DNMBP: variants seen among roughly 807,000 people sequenced by gnomAD.
DNMBP encodes dynamin binding protein, also known as dynamin-binding protein.
Under a neutral mutation model 150.0 loss-of-function variants are expected in DNMBP, and 87 were observed. That is an observed-to-expected ratio of 0.58 (90% CI 0.49 to 0.69). The LOEUF (loss-of-function observed/expected upper bound fraction) is 0.69. Among genes scored for constraint, DNMBP ranks in the 30% least tolerant of loss-of-function variants. The pLI, the probability that DNMBP is intolerant of heterozygous loss-of-function variation, is 0.00. For synonymous variants in DNMBP, 711 were observed against 750.4 expected (o/e 0.95, Z 0.86); for missense variants, 1,774 against 1,949.0 (o/e 0.91, Z 1.69).
chr10:99,937,687 C>T (rs1387279685), intron 4 of DNMBP, among the ~76,000 whole-genome samples: 2 of 152,162 alleles, frequency 1.3e-5, no homozygotes, highest in African/African-American at 4.8e-5. Context: ...CAGTCCTGGC[C>T]GACCAACCCT....
At chr10:99,925,539 C>T (rs553023577) in intron 4 of DNMBP, among the ~76,000 whole-genome samples, 5 of 152,284 alleles carry the variant, frequency 3.3e-5, no homozygotes, top group South Asian at 4.1e-4. Flanking sequence ...CCTCAGCCTC[C>T]GGAGTAGCTG....
chr10:99,998,700 T>C (rs547760006), intron 1 of DNMBP, among the ~76,000 whole-genome samples: 3 of 152,228 alleles, frequency 2.0e-5, no homozygotes, highest in South Asian at 2.1e-4. Flanking sequence ...ATTGTGAACA[T>C]TGACTAGACT....
At chr10:100,008,234 C>T (rs1263708123) in intron 1 of DNMBP, among the ~76,000 whole-genome samples, 4 of 152,124 alleles carry the variant, frequency 2.6e-5, no homozygotes, top group Admixed American at 1.3e-4. Context: ...GGCTGCAAGA[C>T]AAATAAATAA....
At chr10:99,913,913 C>G in intron 4 of DNMBP, 1 of 1,295,568 alleles carries the variant, frequency 7.7e-7, no homozygotes, top group Non-Finnish European at 9.9e-7. Context: ...GCTGCCTGTT[C>G]CACTTCCTTC....
chr10:99,966,264 T>C (rs1203989566), intron 3 of DNMBP, among the ~76,000 whole-genome samples: 7 of 152,174 alleles, frequency 4.6e-5, no homozygotes, highest in African/African-American at 1.7e-4. Flanking sequence ...GAGAACAAGA[T>C]AAAACCATGG....
At chr10:99,935,896 A>G (rs551270171) in intron 4 of DNMBP, among the ~76,000 whole-genome samples, 3 of 152,290 alleles carry the variant, frequency 2.0e-5, no homozygotes, top group African/African-American at 7.2e-5. Context: ...GCATATAAAA[A>G]TCAAGAGCAT....
chr10:99,898,258 GC>G lies in DNMBP; in HGVS notation c.2747del (p.Gly916AlafsTer11), dbSNP rs778242777. On this transcript the variant is annotated frameshift_variant, in exon 9 of 17. Transcript: ENST00000324109. LOFTEE classifies it high-confidence loss of function. ...TCTGTACTGGTTTGATGAGGAAGGA[GC>G]CCAGGTTAATATAATTTGTGCATCC... ...EWGCTNYINL[G>X]SFLIKPVQRV... 6.2e-7 allele frequency: 1 copy of G among 1,613,844 alleles called. No individual in the cohort carries two copies. Among genetic ancestry groups the G allele is most frequent in the East Asian group, 2.2e-5 (1 of 44,862 alleles).
intron 1 of DNMBP, among the ~76,000 whole-genome samples, chr10:100,003,463 C>T (rs909859042): frequency 1.3e-5 from 2 of 152,198 alleles, no homozygotes. Flanking sequence ...AGAAAACATA[C>T]TCTTAGCACT....
chr10:99,889,902 A>G (rs1393921160), intron 11 of DNMBP, among the ~76,000 whole-genome samples: 5 of 152,148 alleles, frequency 3.3e-5, no homozygotes, highest in Admixed American at 3.3e-4. Flanking sequence ...TAGGATAATG[A>G]CCAGTTACCT....
At chr10:99,883,949 G>T in intron 15 of DNMBP, 62 bp downstream of exon 15, 2 of 1,507,844 alleles carry the variant, frequency 1.3e-6, no homozygotes, top group Non-Finnish European at 1.8e-6. Context: ...CCAGATTCGG[G>T]TGCAGCCAAA....
At chr10:99,961,262 T>C (rs1164217601) in intron 3 of DNMBP, among the ~76,000 whole-genome samples, 1 of 126,860 alleles carries the variant, frequency 7.9e-6, no homozygotes, top group Non-Finnish European at 1.6e-5. Context: ...ATTTCTTCCC[T>C]TTTTCTTTTT....
At chr10:99,881,294 C>T (rs892661745) in intron 15 of DNMBP, among the ~76,000 whole-genome samples, 4 of 152,208 alleles carry the variant, frequency 2.6e-5, no homozygotes, top group Admixed American at 6.5e-5. Flanking sequence ...CACCAGGACA[C>T]GTGAATCCTT....
intron 4 of DNMBP, among the ~76,000 whole-genome samples, chr10:99,934,601 T>A (rs2040203188): frequency 7.4e-6 from 1 of 135,640 alleles, no homozygotes; most frequent in Non-Finnish European, 1.6e-5. Flanking sequence ...AGAATAGGAT[T>A]ACTGAGGAAG....
At chr10:99,982,242 C>T (rs951761747) in intron 1 of DNMBP, among the ~76,000 whole-genome samples, 4 of 151,852 alleles carry the variant, frequency 2.6e-5, no homozygotes, top group Admixed American at 2.0e-4. Context: ...CCCAGGAGCT[C>T]GAGACCAGCC....
In DNMBP at chr10:99,886,318, T is replaced by C. The variant is rs769468556; in HGVS notation, c.3600A>G (p.Gln1200=). 1 of 1,612,384 alleles carries C rather than the reference T, an allele frequency of 6.2e-7. No individual in the cohort carries two copies. Among genetic ancestry groups the C allele is most frequent in the Non-Finnish European group, 8.5e-7 (1 of 1,178,510 alleles). ...HCDFVHQALE[Q]LKPLLSLLKV... ...AACTCACCGAAAGCAGTGGCTTTAA[T>C]TGCTCCAGAGCCTGGTGCACAAAGT... The change falls in exon 13 of 17, where the codon CAA becomes CAG. Residue 1200 remains glutamine, a synonymous_variant. Transcript: ENST00000324109.
chr10:99,888,092 G>C (rs558707101), intron 12 of DNMBP, among the ~76,000 whole-genome samples: 1 of 152,166 alleles, frequency 6.6e-6, no homozygotes, highest in South Asian at 2.1e-4. Flanking sequence ...CAAAATGCTG[G>C]GATTAGAGGC....
At chr10:99,917,968 C>CAAAAAA (rs749252887) in intron 4 of DNMBP, among the ~76,000 whole-genome samples, 23 of 52,028 alleles carry the variant, frequency 4.4e-4, no homozygotes, top group South Asian at 6.1e-4. Context: ...GACTCTGTCT[C>CAAAAAA]AAAAAAAAAA....
At chr10:99,963,858 G>C (rs28613899) in intron 3 of DNMBP, among the ~76,000 whole-genome samples, 70,323 of 151,012 alleles carry the variant, frequency 0.47, 17,343 homozygotes, top group African/African-American at 0.63. Context: ...TGACCACGTA[G>C]AGTATTTTAT....
chr10:99,887,276 C>T (rs1348176790), intron 12 of DNMBP, among the ~76,000 whole-genome samples: 1 of 152,128 alleles, frequency 6.6e-6, no homozygotes, highest in Non-Finnish European at 1.5e-5. Context: ...TGGCTCATGC[C>T]CATAATCCCA....
Sources: allele counts gnomAD v4.1 joint callset (sites outside exome capture counted in the v4.1 genomes callset), GRCh38; gene constraint gnomAD v4.1.1; transcripts MANE v1.5; gene names NCBI Gene and HGNC (gene_info 2026-07-23, HGNC 2026-07-21).